SYNPO2: variants seen among roughly 807,000 people sequenced by gnomAD.
SYNPO2 encodes the protein synaptopodin 2.
SYNPO2 carries 56 observed loss-of-function variants against 85.0 expected under a neutral mutation model. That is an observed-to-expected ratio of 0.66 (90% CI 0.53 to 0.82). The LOEUF (loss-of-function observed/expected upper bound fraction) is 0.82. Among genes scored for constraint, SYNPO2 ranks in the 40% least tolerant of loss-of-function variants. The probability of loss-of-function intolerance (pLI) is 0.00; values close to 1 mark genes in which losing one functional copy is unlikely to be tolerated. For synonymous variants in SYNPO2, 602 were observed against 591.1 expected (o/e 1.02, Z -0.27); for missense variants, 1,575 against 1,534.2 (o/e 1.03, Z -0.44).
rs147478079 is a variant in SYNPO2 at position 119,045,208 on chromosome 4, C to T, written c.3253-12193C>T. 3.5e-3 allele frequency among the ~76,000 whole-genome samples: 539 copies of T among 152,320 alleles called. 3 individuals carry two copies. The highest frequency in any genetic ancestry group is 0.013 in the African/African-American group (528 of 41,578). ...CACATAATTATAACTGAATACAATACAAAACATGTTAGTTTTCTGTACTGA... is the reference window on the plus strand; with the variant it reads ...CACATAATTATAACTGAATACAATATAAAACATGTTAGTTTTCTGTACTGA... On this transcript the variant is annotated intron_variant, in intron 4 of 4. Transcript: ENST00000307142.
rs1308353793 is a variant in SYNPO2, at chr4:118,962,866, G to A, written c.106-60564G>A. On this transcript the variant is annotated intron_variant, in intron 1 of 4. Coordinates refer to ENST00000307142, the MANE Select transcript of SYNPO2 (RefSeq NM_133477.3). ...CCATTAGCCATAATCTTGGCCTTGG[G>A]GAATGCAAACTGTCTGTAATGTTCA... Among the ~76,000 whole-genome samples, 4 of 152,236 alleles carry A rather than the reference G, an allele frequency of 2.6e-5. No homozygotes were observed. The East Asian group carries it at 7.7e-4, about 29-fold the overall frequency.
At chr4:119,033,337 G>C in intron 4 of SYNPO2, 1 of 985,184 alleles carries the variant, frequency 1.0e-6, no homozygotes, top group African/African-American at 1.7e-5. Context: ...ATTTGTATTC[G>C]ATGGACCAGG....
intron 1 of SYNPO2, among the ~76,000 whole-genome samples, chr4:118,871,828 C>T (rs1578509343): frequency 6.6e-6 from 1 of 152,314 alleles, no homozygotes; most frequent in Non-Finnish European, 1.5e-5. Context: ...CTTGGCCTCC[C>T]AAAGTGCTGG....
intron 1 of SYNPO2, among the ~76,000 whole-genome samples, chr4:118,867,795 G>A (rs1731727177): frequency 6.6e-6 from 1 of 151,976 alleles, no homozygotes; most frequent in South Asian, 2.1e-4. Flanking sequence ...TAGAAAGCAT[G>A]CCTCTGCTTT....
chr4:118,901,961 G>A (rs1732770934), intron 1 of SYNPO2, among the ~76,000 whole-genome samples: 1 of 152,198 alleles, frequency 6.6e-6, no homozygotes. Flanking sequence ...GATAGTTGGG[G>A]GAAGAGCCTT....
At chr4:118,875,306 C>G (rs1731884888) in intron 1 of SYNPO2, among the ~76,000 whole-genome samples, 2 of 152,138 alleles carry the variant, frequency 1.3e-5, no homozygotes, top group Non-Finnish European at 2.9e-5. Flanking sequence ...AACCATTTGA[C>G]ATACTTTTTT....
chr4:118,880,622 C>G (rs1015146253), intron 1 of SYNPO2, among the ~76,000 whole-genome samples: 4 of 151,938 alleles, frequency 2.6e-5, no homozygotes, highest in Non-Finnish European at 5.9e-5. Flanking sequence ...GTGGCTGTTG[C>G]CTGTAATCCC....
At chr4:118,933,467 G>C (rs1171906473) in intron 1 of SYNPO2, among the ~76,000 whole-genome samples, 1 of 152,158 alleles carries the variant, frequency 6.6e-6, no homozygotes, top group Admixed American at 6.5e-5. Flanking sequence ...TCAGCAGCCA[G>C]GAAAGTTCTA....
intron 1 of SYNPO2, among the ~76,000 whole-genome samples, chr4:119,008,803 A>G (rs1560974764): frequency 2.0e-5 from 3 of 152,112 alleles, no homozygotes; most frequent in African/African-American, 7.2e-5. Flanking sequence ...ACATTTTAAT[A>G]TATTTATGTG....
chr4:119,027,699 A>G (rs750712650), intron 3 of SYNPO2, among the ~76,000 whole-genome samples: 50 of 152,234 alleles, frequency 3.3e-4, no homozygotes, highest in Non-Finnish European at 6.3e-4. Flanking sequence ...GAACTGTTAA[A>G]GAAAATAATA....
intron 1 of SYNPO2, among the ~76,000 whole-genome samples, chr4:118,852,092 T>A (rs1024685483): frequency 1.2e-4 from 19 of 152,164 alleles, no homozygotes; most frequent in African/African-American, 4.6e-4. Context: ...ATTTGTCACT[T>A]AGAAAATATT....
intron 1 of SYNPO2, among the ~76,000 whole-genome samples, chr4:119,003,767 G>C (rs891142618): frequency 2.6e-5 from 4 of 152,154 alleles, no homozygotes; most frequent in Admixed American, 1.3e-4. Flanking sequence ...AGGGGAGTCA[G>C]GCTGGGCTGT....
intron 1 of SYNPO2, among the ~76,000 whole-genome samples, chr4:118,924,241 T>C (rs1162233954): frequency 1.3e-5 from 2 of 152,184 alleles, no homozygotes; most frequent in Non-Finnish European, 2.9e-5. Context: ...GGACTGTACA[T>C]GTCTGCAGAA....
chr4:118,900,648 T>A (rs1732692113), intron 1 of SYNPO2, among the ~76,000 whole-genome samples: 1 of 144,420 alleles, frequency 6.9e-6, no homozygotes, highest in African/African-American at 2.5e-5. Context: ...TTTGTAATCT[T>A]ACCCTAGAAT....
chr4:118,892,250 G>A (rs933889924), intron 1 of SYNPO2, among the ~76,000 whole-genome samples: 1 of 152,012 alleles, frequency 6.6e-6, no homozygotes, highest in Non-Finnish European at 1.5e-5. Context: ...AATCTGTTTT[G>A]TTTTAAAAAA....
At chr4:119,024,731 GGA>G (rs1379423995) in intron 2 of SYNPO2, among the ~76,000 whole-genome samples, 1 of 152,042 alleles carries the variant, frequency 6.6e-6, no homozygotes, top group Non-Finnish European at 1.5e-5. Flanking sequence ...GATTCAAAGT[GGA>G]ATCTCAATTG....
chr4:118,892,072 G>A (rs1021606610), intron 1 of SYNPO2, among the ~76,000 whole-genome samples: 4 of 152,154 alleles, frequency 2.6e-5, no homozygotes, highest in South Asian at 4.1e-4. Flanking sequence ...TATAATTCCC[G>A]ATAAATATCC....
intron 1 of SYNPO2, among the ~76,000 whole-genome samples, chr4:118,879,333 G>A (rs1243228729): frequency 1.3e-5 from 2 of 152,170 alleles, no homozygotes; most frequent in African/African-American, 2.4e-5. Context: ...AGGCTCTGGG[G>A]AACTGAACGT....
rs1369210930 is a variant in SYNPO2, at chr4:119,026,664, A to G, written c.295A>G (p.Asn99Asp). The G allele has an allele frequency of 6.2e-7, 1 of 1,612,052 alleles. No homozygotes were observed. The highest frequency in any genetic ancestry group is 2.2e-5 in the East Asian group (1 of 44,874). The change falls in exon 3 of 5, where the codon AAT becomes GAT. Residue 99 changes from asparagine (N) to aspartate (D), a missense_variant. This residue lies in a region of SYNPO2 where 1,508 missense variants were observed against 1,446.8 expected (regional missense o/e 1.04). Transcript: ENST00000307142. ...AATAAGTGAGGCTTTGATATCTGAA[A>G]ATGAAAACAAAAACCTCGAGCATCT... ...SGISEALISE[N>D]ENKNLEHLTH...
Sources: gnomAD v4.1 joint callset for allele counts (sites outside exome capture counted in the v4.1 genomes callset) on GRCh38, gnomAD v4.1.1 for gene constraint, gnomAD v4.1.1 regional missense constraint, MANE v1.5 for transcripts, NCBI Gene and HGNC (gene_info 2026-07-23, HGNC 2026-07-21) for gene names.